CROCC: variants seen among roughly 807,000 people sequenced by gnomAD.
The protein encoded by CROCC is rootletin.
In CROCC, 180 loss-of-function variants were observed where a neutral mutation model predicts 245.2. The ratio of observed to expected loss-of-function variants is 0.73; its 90% confidence interval spans 0.65 to 0.83. The LOEUF (loss-of-function observed/expected upper bound fraction) is 0.83. Ranked by LOEUF, CROCC falls within the 40% of genes least tolerant of loss-of-function variation. The pLI is 0.00. For synonymous variants in CROCC, 1,205 were observed against 1,241.6 expected (o/e 0.97, Z 0.62); for missense variants, 2,688 against 2,779.4 (o/e 0.97, Z 0.74).
rs76836479 is a variant in CROCC, at chr1:16,936,735, G to A, written c.1055G>A (p.Arg352Gln). The A allele has an allele frequency of 1.1e-3, 1,727 of 1,608,602 alleles. 1 individual carries two copies. The African/African-American group carries it at 0.02, about 19-fold the overall frequency. ...LSTGLRLAES[R>Q]AEAALEKQAL... ...ACGGGCCTACGGCTGGCAGAGAGCC[G>A]GGCCGAGGCAGCCCTGGAGAAACAG... is the stretch of plus-strand genomic sequence containing the variant. The change falls in exon 9 of 37, where the codon CGG (arginine) becomes CAG (glutamine). Residue 352 changes from arginine (R) to glutamine (Q), a missense_variant. Arg to Gln is a conservative substitution (Grantham distance 43). Transcript: ENST00000375541.
chr1:16,929,876 G>T lies in CROCC; in HGVS notation c.382G>T (p.Glu128Ter), dbSNP rs1162133599. Residue 128 changes from glutamate to a stop codon, truncating the protein, a stop_gained, in exon 4 of 37, where the codon GAG becomes TAG. Coordinates refer to ENST00000375541, the MANE Select transcript of CROCC (RefSeq NM_014675.5). LOFTEE classifies it high-confidence loss of function. ...GCAGGCTCTGCGGCTGGAGCCTGGG[G>T]AGCTGGAGACGCAGGAGCCCAGGGG... ...LEQALRLEPG[E>*]LETQEPRGLV... 6 of 1,580,064 alleles carry T rather than the reference G, an allele frequency of 3.8e-6. No homozygotes were observed. The highest frequency in any genetic ancestry group is 4.3e-6 in the Non-Finnish European group (5 of 1,166,920).
chr1:16,966,471 G>A lies in CROCC; in HGVS notation c.4760G>A (p.Ser1587Asn), dbSNP rs1399339963. Residue 1587 changes from serine (S) to asparagine (N), a missense_variant, in exon 30 of 37, where the codon AGT becomes AAT. This residue lies in a region of CROCC where 1,218 missense variants were observed against 1,286.3 expected (regional missense o/e 0.95). Transcript: ENST00000375541. The surrounding 1 kb of genome is among the most constrained non-coding windows in gnomAD (Gnocchi z 4.8). ...VQAELALQEE[S>N]VRRSERERRA... Reference sequence around the variant, plus strand: ...GCGGAGCTGGCGCTGCAGGAGGAGAGTGTGCGGCGCAGTGAGCGGGAGCGC... The same window carrying A: ...GCGGAGCTGGCGCTGCAGGAGGAGAATGTGCGGCGCAGTGAGCGGGAGCGC... 6.5e-7 allele frequency: 1 copy of A among 1,536,536 alleles called. No homozygotes were observed. Among genetic ancestry groups the A allele is most frequent in the South Asian group, 1.2e-5 (1 of 83,854 alleles).
Position 16,939,910 on chromosome 1 carries a change from A to G in CROCC, c.1625A>G (p.Tyr542Cys). The G allele has an allele frequency of 1.2e-6, 2 of 1,612,308 alleles. No homozygotes were observed. The highest frequency in any genetic ancestry group is 1.1e-5 in the South Asian group (1 of 91,018). ...ACACCCCAGGACATGCGTGGGCGCT[A>G]TGAGGCAAGCCAGGACCTACTGGGC... The part of the protein sequence containing the change: ...QLQVQDMRGR[Y>C]EASQDLLGTL... The change falls in exon 13 of 37, where the codon TAT becomes TGT. Residue 542 changes from tyrosine to cysteine, a missense_variant. Around this residue, in one of 9 missense-constraint regions of CROCC, gnomAD observed 972 missense variants for 895.3 expected, o/e 1.09. Transcript: ENST00000375541.
intron 2 of CROCC, among the ~76,000 whole-genome samples, 157 bp downstream of exon 2, chr1:16,922,955 C>T (rs1254109561): frequency 6.6e-6 from 1 of 152,272 alleles, no homozygotes; most frequent in African/African-American, 2.4e-5. Context: ...GATGAGGAAA[C>T]AGAGGCTCAG....
chr1:16,915,293 A>G (rs556466843), intron 1 of CROCC, among the ~76,000 whole-genome samples: 53 of 152,372 alleles, frequency 3.5e-4, no homozygotes, highest in African/African-American at 1.3e-3. Context: ...TTAACATCCT[A>G]TGTTATTACT....
Position 16,970,392 on chromosome 1 carries a change from T to C in CROCC, c.5591T>C (p.Val1864Ala), listed in dbSNP as rs747526519. ...CAGCTGGAAGCTGAGAAGCGGGAGGTGGAGCGCTCAGCCCTGCGGCTGGAG... is the reference window on the plus strand; with the variant it reads ...CAGCTGGAAGCTGAGAAGCGGGAGGCGGAGCGCTCAGCCCTGCGGCTGGAG... ...LAQLEAEKRE[V>A]ERSALRLEKD... Residue 1864 changes from valine (V) to alanine (A), a missense_variant, in exon 34 of 37, where the codon GTG becomes GCG. Around this residue, in one of 9 missense-constraint regions of CROCC, gnomAD observed 1,218 missense variants for 1,286.3 expected, o/e 0.95. Transcript: ENST00000375541. 48 of 1,604,024 alleles carry C rather than the reference T, an allele frequency of 3.0e-5. 3 individuals carry two copies. In the South Asian group the frequency reaches 5.0e-4, roughly 17 times the overall value.
rs1259142504 is a variant in CROCC at position 16,941,727 on chromosome 1, G to A, written c.1808+1634G>A. Reference sequence around the variant, plus strand: ...AGCCTGAGCGACAGAGCAAGACTCCGTCTCAAAAAAAAAAAAAAAAGAAAA... The same window carrying A: ...AGCCTGAGCGACAGAGCAAGACTCCATCTCAAAAAAAAAAAAAAAAGAAAA... On this transcript the variant is annotated intron_variant, in intron 13 of 36. Transcript: ENST00000375541. Among the ~76,000 whole-genome samples the A allele has an allele frequency of 5.2e-3, 751 of 144,370 alleles. 1 individual carries two copies. Among genetic ancestry groups the A allele is most frequent in the African/African-American group, 0.018 (715 of 39,298 alleles). 94.7% of individuals were successfully genotyped at this position (144,370 alleles called of 152,430 possible).
intron 30 of CROCC, 150 bp from the exon 31 acceptor site, chr1:16,968,053 G>A (rs544834970): frequency 2.2e-5 from 15 of 697,470 alleles, no homozygotes; most frequent in East Asian, 5.4e-5. Flanking sequence ...TGGGGAGACC[G>A]AGGACCCCAG....
intron 18 of CROCC, 48 bp downstream of exon 18, chr1:16,948,572 G>A (rs1276597736): frequency 1.3e-6 from 2 of 1,483,576 alleles, no homozygotes; most frequent in Non-Finnish European, 9.0e-7. Context: ...TCCTCCTGGG[G>A]CCACACCATG....
In CROCC at chr1:16,972,777, G is replaced by A. The variant is rs144236023; in HGVS notation, c.*331G>A. 3.3e-3 allele frequency: 628 copies of A among 191,210 alleles called. 8 individuals carry two copies. The East Asian group carries it at 0.043, about 13-fold the overall frequency. The allele number at this position is 191,210 out of a possible 1,614,324, so 11.8% of individuals were successfully genotyped here. A position where few individuals can be genotyped will look rare whatever the true frequency, so the allele number is the denominator to read the frequency against. ...CATGGGATCGTGGGAAAGAGGAGGG[G>A]GACCAGGCCCAGGGCAGGGGTCAGA... On this transcript the variant is annotated 3_prime_UTR_variant, in exon 37 of 37. Coordinates refer to ENST00000375541, the MANE Select transcript of CROCC (RefSeq NM_014675.5).
At chr1:16,953,826 G>A (rs545645055) in intron 21 of CROCC, 1 of 235,344 alleles carries the variant, frequency 4.2e-6, no homozygotes, top group Non-Finnish European at 7.3e-6. Flanking sequence ...ATCAGCTGAC[G>A]TGTCCCCCCA....
rs2075801652 is a variant in CROCC, at chr1:16,936,837, T to G, written c.1157T>G (p.Met386Arg). 6.2e-7 allele frequency: 1 copy of G among 1,612,346 alleles called. No homozygotes were observed. The highest frequency in any genetic ancestry group is 1.1e-5 in the South Asian group (1 of 90,980). ...GAGAAGGACCTGGCGCAGCAGCAGA[T>G]GCAAAGCGACCTGGACAAGGCTGAC... ...LREKDLAQQQ[M>R]QSDLDKADLS... Residue 386 changes from methionine to arginine, a missense_variant, in exon 9 of 37, where the codon ATG (methionine) becomes AGG (arginine). This residue lies in a region of CROCC where 972 missense variants were observed against 895.3 expected (regional missense o/e 1.09). Coordinates refer to ENST00000375541, the MANE Select transcript of CROCC (RefSeq NM_014675.5).
At chr1:16,935,660 G>C (rs1294822675) in intron 8 of CROCC, among the ~76,000 whole-genome samples, 3 of 152,276 alleles carry the variant, frequency 2.0e-5, no homozygotes, top group Non-Finnish European at 4.4e-5. Context: ...TCCCGACCTC[G>C]TGATCCGCCC....
intron 15 of CROCC, among the ~76,000 whole-genome samples, 191 bp from the exon 16 acceptor site, chr1:16,946,068 T>C (rs2076038337): frequency 6.6e-6 from 1 of 152,278 alleles, no homozygotes; most frequent in Admixed American, 6.5e-5. Flanking sequence ...CTCTGTGGTG[T>C]GTGGCTTTTA....
rs1370758901 is a variant in CROCC, at chr1:16,970,741, G to T, written c.5758G>T (p.Ala1920Ser). The T allele has an allele frequency of 1.3e-5, 20 of 1,599,972 alleles. No homozygotes were observed. The highest frequency in any genetic ancestry group is 1.7e-5 in the Non-Finnish European group (20 of 1,174,638). ...LTGAELELAE[A>S]QRQIQQLEAQ... is the part of the protein sequence containing the mutation. ...GGGGGCTGAGCTGGAGCTGGCAGAGGCGCAGAGGCAGATCCAGCAGCTGGA... is the reference window on the plus strand; with the variant it reads ...GGGGGCTGAGCTGGAGCTGGCAGAGTCGCAGAGGCAGATCCAGCAGCTGGA... The change falls in exon 35 of 37, where the codon GCG becomes TCG. Residue 1920 changes from alanine (A) to serine (S), a missense_variant. Ala to Ser is a moderately conservative substitution (Grantham distance 99). Transcript: ENST00000375541.
chr1:16,971,432 G>T, intron 35 of CROCC, 33 bp from the exon 36 acceptor site: 1 of 1,515,808 alleles, frequency 6.6e-7, no homozygotes. Context: ...ACTCACACTG[G>T]GCCAGAACGC....
chr1:16,933,247 C>T (rs1157281244), intron 8 of CROCC, among the ~76,000 whole-genome samples: 1 of 152,270 alleles, frequency 6.6e-6, no homozygotes, highest in Non-Finnish European at 1.5e-5. Context: ...GGGCGGACCA[C>T]CTGAGGTCAG....
intron 8 of CROCC, among the ~76,000 whole-genome samples, chr1:16,931,923 A>ATTTTT (rs376677756): frequency 1.4e-5 from 2 of 147,580 alleles, no homozygotes. Context: ...CACCCAGCTA[A>ATTTTT]TTTTTTTTTT....
rs1390387710 is a variant in CROCC, at chr1:16,968,228, A to G, written c.4886A>G (p.Asn1629Ser). 1.3e-6 allele frequency: 2 copies of G among 1,567,160 alleles called. No homozygotes were observed. Among genetic ancestry groups the G allele is most frequent in the Non-Finnish European group, 1.7e-6 (2 of 1,157,416 alleles). Residue 1629 changes from asparagine to serine, a missense_variant, in exon 31 of 37, where the codon AAT becomes AGT. By Grantham distance (46) the Asn-to-Ser change is conservative. Coordinates refer to ENST00000375541, the MANE Select transcript of CROCC (RefSeq NM_014675.5). ...SQEKISKMKA[N>S]ETKLEGDKRR... ...GAGAAGATCAGCAAGATGAAGGCCA[A>G]TGAGACAAAGCTGGAGGGCGACAAG...
Sources: gnomAD v4.1 joint callset for allele counts (sites outside exome capture counted in the v4.1 genomes callset) on GRCh38, gnomAD v4.1.1 for gene constraint, gnomAD v4.1.1 regional missense constraint, Gnocchi (gnomAD v3.1) non-coding constraint, MANE v1.5 for transcripts, NCBI Gene and HGNC (gene_info 2026-07-23, HGNC 2026-07-21) for gene names.